GRIN2A: variants seen among roughly 807,000 people sequenced by gnomAD.
GRIN2A encodes the protein glutamate ionotropic receptor NMDA type subunit 2A.
A neutral mutation model predicts 113.4 loss-of-function variants in GRIN2A; 22 were observed. The ratio of observed to expected loss-of-function variants is 0.19; its 90% CI spans 0.14 to 0.28. The LOEUF (loss-of-function observed/expected upper bound fraction) is 0.28. GRIN2A is among the 10% of genes least tolerant of loss of function. The probability of loss-of-function intolerance (pLI) is 1.00; values close to 1 mark genes in which losing one functional copy is unlikely to be tolerated. For missense variants in GRIN2A, 1,502 were observed against 1,887.0 expected, an observed-to-expected ratio of 0.80 and a Z score of 3.78; for synonymous variants, 827 against 738.4, an observed-to-expected ratio of 1.12 and a Z score of -1.94.
intron 10 of GRIN2A, among the ~76,000 whole-genome samples, chr16:9,804,855 T>C (rs1322511639): frequency 6.6e-6 from 1 of 152,068 alleles, no homozygotes; most frequent in Non-Finnish European, 1.5e-5. Flanking sequence ...GGAGCACAAA[T>C]GATTAGAAAT....
intron 7 of GRIN2A, among the ~76,000 whole-genome samples, chr16:9,839,353 G>C (rs540039045): frequency 1.3e-5 from 2 of 150,964 alleles, no homozygotes; most frequent in Non-Finnish European, 3.0e-5. Flanking sequence ...GCAGATGATA[G>C]AAAACATAGC....
intron 2 of GRIN2A, among the ~76,000 whole-genome samples, chr16:10,057,863 C>A (rs1208223300): frequency 6.6e-6 from 1 of 152,232 alleles, no homozygotes; most frequent in Non-Finnish European, 1.5e-5. Flanking sequence ...ATCACTCGTT[C>A]ATTTTAAGAG....
chr16:10,029,984 G>A (rs1233363825), intron 2 of GRIN2A, among the ~76,000 whole-genome samples: 1 of 151,948 alleles, frequency 6.6e-6, no homozygotes, highest in Non-Finnish European at 1.5e-5. Flanking sequence ...GCCACAGAGT[G>A]AGACTCTGTC....
chr16:9,976,851 C>A (rs1042359736), intron 2 of GRIN2A, among the ~76,000 whole-genome samples: 3 of 152,098 alleles, frequency 2.0e-5, no homozygotes, highest in Non-Finnish European at 4.4e-5. Context: ...GACACCACAT[C>A]GCGTGACAAA....
In GRIN2A at chr16:10,150,019, A is replaced by G. The variant is rs139166649; in HGVS notation, c.414+29979T>C. Among the ~76,000 whole-genome samples the G allele has an allele frequency of 2.3e-3, 343 of 152,346 alleles. 1 individual carries two copies. The highest frequency in any genetic ancestry group is 7.6e-3 in the African/African-American group (316 of 41,578). Reference sequence around the variant, plus strand: ...GACAGAGAAGGAAAGTGGCAGACAGAAAATGGAAGCGAGGTGCAGAAACAG... The same window carrying G: ...GACAGAGAAGGAAAGTGGCAGACAGGAAATGGAAGCGAGGTGCAGAAACAG... On this transcript the variant is annotated intron_variant, in intron 2 of 12. Coordinates refer to ENST00000330684, the MANE Select transcript of GRIN2A (RefSeq NM_001134407.3).
chr16:9,813,450 C>T (rs2042125240), intron 10 of GRIN2A, among the ~76,000 whole-genome samples: 1 of 151,422 alleles, frequency 6.6e-6, no homozygotes, highest in Admixed American at 6.6e-5. Context: ...ATGTAAAGTC[C>T]ATCATCCCAA....
chr16:9,936,419 G>A (rs945251556), intron 3 of GRIN2A, among the ~76,000 whole-genome samples: 12 of 152,188 alleles, frequency 7.9e-5, no homozygotes, highest in African/African-American at 2.7e-4. Context: ...GAAAGTGGAC[G>A]AGACAAGCTT....
intron 2 of GRIN2A, among the ~76,000 whole-genome samples, chr16:10,120,511 A>T: frequency 6.6e-6 from 1 of 152,084 alleles, no homozygotes; most frequent in Non-Finnish European, 1.5e-5. Flanking sequence ...TTCCTCATTC[A>T]TGAAACAGTT....
chr16:9,849,809 C>T lies in GRIN2A; in HGVS notation c.1275G>A (p.Leu425=), dbSNP rs2229193. 0.27 allele frequency: 440,195 copies of T among 1,613,150 alleles called. 61,886 individuals carry two copies. Among genetic ancestry groups the T allele is most frequent in the African/African-American group, 0.3 (22,479 of 74,880 alleles). Residue 425 remains leucine (L), a synonymous_variant, in exon 5 of 13, where the codon CTG becomes CTA. Coordinates refer to ENST00000330684, the MANE Select transcript of GRIN2A (RefSeq NM_001134407.3). ...CGGTGTTCCTCACACACGTCTCGGT[C>T]AGGGGGTCTATGTCTTCCACGATGA... The part of the protein sequence containing the change: ...PFVIVEDIDP[L]TETCVRNTVP...
At chr16:10,130,406 C>G (rs965464080) in intron 2 of GRIN2A, among the ~76,000 whole-genome samples, 1 of 152,214 alleles carries the variant, frequency 6.6e-6, no homozygotes, top group African/African-American at 2.4e-5. Context: ...CTGAGCAGAT[C>G]TTTGGGCTCA....
intron 2 of GRIN2A, among the ~76,000 whole-genome samples, chr16:10,123,607 G>GC (rs148435912): frequency 0.016 from 2,476 of 152,134 alleles, 80 homozygotes; most frequent in African/African-American, 0.056. Flanking sequence ...CACGTGAATC[G>GC]CCGAGGGATC....
At chr16:10,036,134 G>T (rs199683870) in intron 2 of GRIN2A, among the ~76,000 whole-genome samples, 1 of 125,836 alleles carries the variant, frequency 7.9e-6, no homozygotes, top group Non-Finnish European at 1.8e-5. Context: ...ACTGAGATCA[G>T]GGGTTTTTCT....
rs367543145 is a variant in GRIN2A, at chr16:9,841,093, T to A, written c.1340A>T (p.Asn447Ile). 14 of 1,612,936 alleles carry A rather than the reference T, an allele frequency of 8.7e-6. No individual in the cohort carries two copies. The highest frequency in any genetic ancestry group is 1.3e-5 in the African/African-American group (1 of 74,864). The change falls in exon 6 of 13, where the codon AAT (asparagine) becomes ATT (isoleucine). Residue 447 changes from asparagine to isoleucine, a missense_variant. By Grantham distance (149) the Asn-to-Ile change is moderately radical. Coordinates refer to ENST00000330684, the MANE Select transcript of GRIN2A (RefSeq NM_001134407.3). ...RKFVKINNST[N>I]EGMNVKKCCK... ...GCATTTCTTCACATTCATCCCCTCATTGGTTGAATTGCTGTAAAGAAAAAC... is the reference window on the plus strand; with the variant it reads ...GCATTTCTTCACATTCATCCCCTCAATGGTTGAATTGCTGTAAAGAAAAAC...
At chr16:10,137,637 T>C (rs1292938816) in intron 2 of GRIN2A, among the ~76,000 whole-genome samples, 1 of 152,216 alleles carries the variant, frequency 6.6e-6, no homozygotes, top group Non-Finnish European at 1.5e-5. Context: ...CTACATTTCC[T>C]TAATTCAACT....
chr16:9,757,330 C>T lies in GRIN2A; in HGVS notation c.*5819G>A, dbSNP rs1900387969. 2 of 221,892 alleles carry T rather than the reference C, an allele frequency of 9.0e-6. No individual in the cohort carries two copies. Among genetic ancestry groups the T allele is most frequent in the Non-Finnish European group, 1.8e-5 (2 of 111,582 alleles). The allele number at this position is 221,892 out of a possible 1,614,324, so 13.7% of individuals were successfully genotyped here. A position where few individuals can be genotyped will look rare whatever the true frequency, so the allele number is the denominator to read the frequency against. On this transcript the variant is annotated 3_prime_UTR_variant, in exon 13 of 13. Coordinates refer to ENST00000330684, the MANE Select transcript of GRIN2A (RefSeq NM_001134407.3). ...TTCCGGGACCACTAACTCTATTCTC[C>T]GGAGTTACTTAAAGGTTTAGGGAAG...
At chr16:10,037,606 C>T (rs1468255787) in intron 2 of GRIN2A, among the ~76,000 whole-genome samples, 1 of 152,120 alleles carries the variant, frequency 6.6e-6, no homozygotes, top group Non-Finnish European at 1.5e-5. Context: ...GACAGCTTCT[C>T]TACTCCTATT....
intron 3 of GRIN2A, among the ~76,000 whole-genome samples, chr16:9,929,440 A>G (rs1470580845): frequency 6.6e-6 from 1 of 152,104 alleles, no homozygotes; most frequent in Non-Finnish European, 1.5e-5. Flanking sequence ...CTCTTTTAAC[A>G]CCTCATATTC....
At chr16:10,153,094 G>A (rs182701180) in intron 2 of GRIN2A, among the ~76,000 whole-genome samples, 4 of 152,274 alleles carry the variant, frequency 2.6e-5, no homozygotes, top group Admixed American at 6.5e-5. Context: ...GACTTTAGGC[G>A]ATAATTTTGT....
intron 3 of GRIN2A, among the ~76,000 whole-genome samples, chr16:9,925,516 T>C (rs970609236): frequency 3.9e-5 from 6 of 152,230 alleles, no homozygotes; most frequent in African/African-American, 1.4e-4. Context: ...CAGCTGCTTT[T>C]GTTTCCTAGA....
Sources: allele counts gnomAD v4.1 joint callset (sites outside exome capture counted in the v4.1 genomes callset), GRCh38; gene constraint gnomAD v4.1.1; transcripts MANE v1.5; gene names NCBI Gene and HGNC (gene_info 2026-07-23, HGNC 2026-07-21).